MDN1: variants seen among roughly 807,000 people sequenced by gnomAD.
MDN1 encodes the protein midasin AAA ATPase 1.
MDN1 carries 266 observed loss-of-function variants against 669.2 expected under a neutral mutation model. The observed-to-expected ratio is 0.40, with a 90% CI of 0.36 to 0.44. MDN1 has a LOEUF of 0.44. Ranked by LOEUF, MDN1 falls within the 20% of genes least tolerant of loss-of-function variation. The pLI is 1.00. For synonymous variants in MDN1, 2,385 were observed against 2,457.1 expected (o/e 0.97, Z 0.87); for missense variants, 5,940 against 6,754.0 (o/e 0.88, Z 4.22).
chr6:89,726,281 C>T (rs944834723), intron 37 of MDN1, among the ~76,000 whole-genome samples: 2 of 151,664 alleles, frequency 1.3e-5, no homozygotes, highest in African/African-American at 4.8e-5. Context: ...GCCAACATAG[C>T]GAAACCTTGT....
intron 9 of MDN1, among the ~76,000 whole-genome samples, chr6:89,782,205 C>T (rs893846745): frequency 6.6e-6 from 1 of 152,106 alleles, no homozygotes; most frequent in Non-Finnish European, 1.5e-5. Context: ...ATATAAGCAA[C>T]CAACTCTAAA....
chr6:89,679,908 C>G (rs528084877), intron 74 of MDN1, among the ~76,000 whole-genome samples: 1 of 152,298 alleles, frequency 6.6e-6, no homozygotes, highest in South Asian at 2.1e-4. Context: ...TCCACTCACC[C>G]CCACCCCTAG....
intron 73 of MDN1, 76 bp from the exon 74 acceptor site, chr6:89,680,827 T>TG: frequency 6.7e-7 from 1 of 1,496,260 alleles, no homozygotes; most frequent in Non-Finnish European, 9.0e-7. Context: ...TAAATTTAAC[T>TG]GTTGCACACA....
intron 2 of MDN1, among the ~76,000 whole-genome samples, chr6:89,803,053 C>T (rs1000965895): frequency 6.6e-6 from 1 of 152,136 alleles, no homozygotes; most frequent in Non-Finnish European, 1.5e-5. Flanking sequence ...CATGTCTTGC[C>T]ACATGATACA....
chr6:89,789,733 G>C lies in MDN1; in HGVS notation c.1230+47C>G, dbSNP rs773036526. On this transcript the variant is annotated intron_variant, in intron 7 of 101. Transcript: ENST00000369393. ...CACTATTAACAAAATGCTTTTCCAA[G>C]ACAGGAAAATATATTAAGGGACAAT... 3 of 1,535,148 alleles carry C rather than the reference G, an allele frequency of 2.0e-6. No homozygotes were observed. The South Asian group carries it at 3.7e-5, about 19-fold the overall frequency.
At chr6:89,733,328 T>C (rs966479401) in intron 33 of MDN1, among the ~76,000 whole-genome samples, 3 of 152,054 alleles carry the variant, frequency 2.0e-5, no homozygotes, top group Admixed American at 2.0e-4. Flanking sequence ...ATTCTAATTA[T>C]CACAATTTCC....
chr6:89,766,303 A>C (rs1260852247), intron 15 of MDN1, among the ~76,000 whole-genome samples: 1 of 152,196 alleles, frequency 6.6e-6, no homozygotes, highest in Non-Finnish European at 1.5e-5. Context: ...CATCTCAAAA[A>C]AAAAAAAGGA....
chr6:89,812,305 C>A (rs751867799), intron 1 of MDN1, among the ~76,000 whole-genome samples: 20 of 151,938 alleles, frequency 1.3e-4, no homozygotes, highest in Admixed American at 9.8e-4. Flanking sequence ...TTTTTATTGG[C>A]CGGGTGTGGT....
intron 74 of MDN1, among the ~76,000 whole-genome samples, chr6:89,679,620 G>A (rs970881064): frequency 3.9e-5 from 6 of 152,192 alleles, no homozygotes; most frequent in African/African-American, 9.6e-5. Flanking sequence ...GAGTGACCAC[G>A]GGAGGACACA....
chr6:89,742,758 T>C (rs1314611513), intron 31 of MDN1, among the ~76,000 whole-genome samples: 1 of 152,022 alleles, frequency 6.6e-6, no homozygotes, highest in African/African-American at 2.4e-5. Flanking sequence ...ATTAAGAGAG[T>C]AGGGATATAA....
intron 14 of MDN1, 74 bp downstream of exon 14, chr6:89,772,499 A>G: frequency 6.5e-7 from 1 of 1,535,550 alleles, no homozygotes; most frequent in African/African-American, 1.4e-5. Flanking sequence ...CTTTGGATTT[A>G]GTATTTTTAA....
chr6:89,647,262 G>C (rs1283548545), intron 99 of MDN1, among the ~76,000 whole-genome samples: 1 of 152,190 alleles, frequency 6.6e-6, no homozygotes, highest in Non-Finnish European at 1.5e-5. Flanking sequence ...GAGCAAAAGA[G>C]AAGGCAAGAA....
chr6:89,803,684 C>T (rs1767813531), intron 1 of MDN1, 130 bp from the exon 2 acceptor site: 3 of 688,370 alleles, frequency 4.4e-6, no homozygotes, highest in Non-Finnish European at 7.2e-6. Context: ...CGGGTTCATG[C>T]CATTCTCCTG....
intron 40 of MDN1, among the ~76,000 whole-genome samples, chr6:89,719,719 AGAC>A (rs557839891): frequency 1.9e-4 from 29 of 152,256 alleles, no homozygotes; most frequent in Non-Finnish European, 4.3e-4. Context: ...CATTTTATAT[AGAC>A]AACAGCACTC....
intron 71 of MDN1, 41 bp from the exon 72 acceptor site, chr6:89,683,945 T>C: frequency 7.0e-7 from 1 of 1,430,420 alleles, no homozygotes; most frequent in Non-Finnish European, 9.8e-7. Flanking sequence ...TTTATAAAGC[T>C]AGTGTCATTC....
chr6:89,729,220 T>C (rs193291776), intron 35 of MDN1, 81 bp from the exon 36 acceptor site: 1 of 1,104,184 alleles, frequency 9.1e-7, no homozygotes, highest in Admixed American at 2.3e-5. Context: ...ATTTTAAAAA[T>C]CTACCACATG....
At chr6:89,781,296 A>G (rs766232343) in intron 10 of MDN1, 103 bp downstream of exon 10, 43 of 1,149,164 alleles carry the variant, frequency 3.7e-5, no homozygotes, top group Non-Finnish European at 5.0e-5. Context: ...GGTTGGAGTG[A>G]GCCAAAACTG....
At chr6:89,718,653 C>T in intron 42 of MDN1, 26 bp from the exon 43 acceptor site, 1 of 1,610,726 alleles carries the variant, frequency 6.2e-7, no homozygotes. Flanking sequence ...GACATGAACT[C>T]ATCATAGGGT....
At chr6:89,796,823 C>A (rs911998627) in intron 2 of MDN1, among the ~76,000 whole-genome samples, 3 of 152,218 alleles carry the variant, frequency 2.0e-5, no homozygotes, top group African/African-American at 4.8e-5. Flanking sequence ...AATCCCAGCA[C>A]TTTGGGAGGC....
Sources: gnomAD v4.1 joint callset for allele counts (sites outside exome capture counted in the v4.1 genomes callset) on GRCh38, gnomAD v4.1.1 for gene constraint, MANE v1.5 for transcripts, NCBI Gene and HGNC (gene_info 2026-07-23, HGNC 2026-07-21) for gene names.